EYS: variants seen among roughly 807,000 people sequenced by gnomAD.
EYS encodes the protein protein eyes shut homolog.
A neutral mutation model predicts 282.1 loss-of-function variants in EYS; 250 were observed. The observed-to-expected ratio is 0.89, with a 90% CI of 0.80 to 0.98. The LOEUF is 0.98. EYS is among the 50% of genes least tolerant of loss of function. The probability of loss-of-function intolerance (pLI) is 0.00; values close to 1 mark genes in which losing one functional copy is unlikely to be tolerated. For missense variants in EYS, 4,016 were observed against 3,709.0 expected, an observed-to-expected ratio of 1.08 and a Z score of -2.15; for synonymous variants, 1,355 against 1,282.9, an observed-to-expected ratio of 1.06 and a Z score of -1.20.
At chr6:65,592,385 C>T (rs1006405900) in intron 2 of EYS, among the ~76,000 whole-genome samples, 1 of 151,906 alleles carries the variant, frequency 6.6e-6, no homozygotes, top group Non-Finnish European at 1.5e-5. Flanking sequence ...TATTTAACAT[C>T]TGGTAACTTT....
chr6:64,350,943 A>G (rs1771607817), intron 29 of EYS, among the ~76,000 whole-genome samples: 1 of 151,460 alleles, frequency 6.6e-6, no homozygotes, highest in African/African-American at 2.4e-5. Context: ...GCTTTTCCCA[A>G]CTTCACTTGG....
At chr6:63,949,425 A>G (rs1765498415) in intron 35 of EYS, among the ~76,000 whole-genome samples, 1 of 152,108 alleles carries the variant, frequency 6.6e-6, no homozygotes, top group Non-Finnish European at 1.5e-5. Flanking sequence ...GCTTTCTTAT[A>G]TATAAATATT....
chr6:65,276,956 A>G (rs1768064465), intron 12 of EYS, among the ~76,000 whole-genome samples: 1 of 152,224 alleles, frequency 6.6e-6, no homozygotes, highest in Non-Finnish European at 1.5e-5. Context: ...TAAGACATAT[A>G]ACAAAGTATT....
At chr6:65,322,984 ATAT>A (rs952127919) in intron 11 of EYS, among the ~76,000 whole-genome samples, 1 of 151,896 alleles carries the variant, frequency 6.6e-6, no homozygotes, top group African/African-American at 2.4e-5. Context: ...TACCCACAAA[ATAT>A]TAGTTTTTGC....
rs1346641497 is a variant in EYS, at chr6:65,001,117, C to CAGAAG, written c.2138-3415_2138-3414insCTTCT. ...ACCCCAGTGTTACAATGCTCTCAGC[C>CAGAAG]TTGCTGTCCGCAGATGGCTTTAAGG... On this transcript the variant is annotated intron_variant, in intron 13 of 42. Coordinates refer to ENST00000503581, the MANE Select transcript of EYS (RefSeq NM_001142800.2). Among the ~76,000 whole-genome samples, 90 of 149,260 alleles carry CAGAAG rather than the reference C, an allele frequency of 6.0e-4. 2 individuals are homozygous for CAGAAG. The highest frequency in any genetic ancestry group is 3.4e-3 in the Middle Eastern group (1 of 294).
At chr6:65,685,239 G>C (rs931285676) in intron 1 of EYS, among the ~76,000 whole-genome samples, 3 of 151,980 alleles carry the variant, frequency 2.0e-5, no homozygotes, top group Non-Finnish European at 4.4e-5. Flanking sequence ...CAATTTGAAT[G>C]ATGGACACAT....
chr6:65,620,983 A>C (rs1230885275), intron 2 of EYS, among the ~76,000 whole-genome samples: 1 of 152,100 alleles, frequency 6.6e-6, no homozygotes, highest in Non-Finnish European at 1.5e-5. Flanking sequence ...CTATGTGGTC[A>C]ATTTTGGAAT....
intron 19 of EYS, among the ~76,000 whole-genome samples, chr6:64,885,436 A>T (rs550893807): frequency 6.6e-6 from 1 of 151,674 alleles, no homozygotes; most frequent in Non-Finnish European, 1.5e-5. Flanking sequence ...TGTGTTTCTT[A>T]GTCATGTTGA....
chr6:65,451,925 TA>T (rs1397748644), intron 5 of EYS, among the ~76,000 whole-genome samples: 2 of 151,998 alleles, frequency 1.3e-5, no homozygotes, highest in Non-Finnish European at 2.9e-5. Flanking sequence ...TCATTTAAAA[TA>T]AATAATTTTA....
At chr6:65,531,039 T>C (rs1002978794) in intron 2 of EYS, among the ~76,000 whole-genome samples, 2 of 152,146 alleles carry the variant, frequency 1.3e-5, no homozygotes, top group African/African-American at 2.4e-5. Context: ...TCCTTTACAG[T>C]AGAAATATAA....
At chr6:65,117,200 CA>C (rs1431915695) in intron 12 of EYS, among the ~76,000 whole-genome samples, 1 of 152,166 alleles carries the variant, frequency 6.6e-6, no homozygotes, top group African/African-American at 2.4e-5. Flanking sequence ...CCAAGTGAAC[CA>C]AATGAACGAA....
intron 12 of EYS, among the ~76,000 whole-genome samples, chr6:65,100,772 C>CAAA (rs527752155): frequency 0.04 from 5,459 of 135,248 alleles, 329 homozygotes; most frequent in African/African-American, 0.14. Context: ...ATAAAAGCTC[C>CAAA]AAAAAAAAAA....
chr6:64,049,751 C>T (rs1407522639), intron 33 of EYS, among the ~76,000 whole-genome samples: 1 of 152,140 alleles, frequency 6.6e-6, no homozygotes, highest in Non-Finnish European at 1.5e-5. Context: ...GACAGGGCAC[C>T]ATCTGATTGA....
intron 31 of EYS, among the ~76,000 whole-genome samples, chr6:64,151,076 T>C (rs958945309): frequency 2.0e-5 from 3 of 151,578 alleles, no homozygotes; most frequent in Non-Finnish European, 4.4e-5. Flanking sequence ...TGTTTAAGTA[T>C]ACAAATATTT....
At chr6:64,399,685 A>AT (rs758087971) in intron 28 of EYS, among the ~76,000 whole-genome samples, 14 of 151,990 alleles carry the variant, frequency 9.2e-5, no homozygotes, top group Admixed American at 1.3e-4. Flanking sequence ...CCTTGAAATA[A>AT]TTTTTTTAAT....
rs1263102271 is a variant in EYS, at chr6:64,060,089, T to C, written c.6725+6249A>G. On this transcript the variant is annotated intron_variant, in intron 33 of 42. Transcript: ENST00000503581. ...CTAATATCTTATAGATTTAGCACAA[T>C]TCAAAAGTCACCATCTGTTTCAAGA... 2.0e-5 allele frequency among the ~76,000 whole-genome samples: 3 copies of C among 152,144 alleles called. No individual in the cohort carries two copies. In the East Asian group the frequency reaches 5.8e-4, roughly 29 times the overall value.
intron 30 of EYS, among the ~76,000 whole-genome samples, chr6:64,247,999 C>G (rs1425194211): frequency 6.6e-6 from 1 of 152,120 alleles, no homozygotes; most frequent in African/African-American, 2.4e-5. Context: ...TCAATAAGAA[C>G]ATCCTCAAGA....
At chr6:65,289,758 A>G (rs1768472009) in intron 12 of EYS, among the ~76,000 whole-genome samples, 2 of 151,224 alleles carry the variant, frequency 1.3e-5, no homozygotes, top group African/African-American at 4.8e-5. Context: ...AATTTTTCTC[A>G]GCACACTTCC....
At chr6:64,169,745 A>G (rs1480154748) in intron 31 of EYS, among the ~76,000 whole-genome samples, 1 of 152,024 alleles carries the variant, frequency 6.6e-6, no homozygotes, top group Non-Finnish European at 1.5e-5. Context: ...GTCCGGGCCC[A>G]TGGGAGTCTG....
Sources: gnomAD v4.1 joint callset for allele counts (sites outside exome capture counted in the v4.1 genomes callset) on GRCh38, gnomAD v4.1.1 for gene constraint, MANE v1.5 for transcripts, NCBI Gene and HGNC (gene_info 2026-07-23, HGNC 2026-07-21) for gene names.